The following C6orf118 variants were observed in gnomAD, a reference collection of about 807,000 sequenced individuals.
C6orf118 encodes chromosome 6 open reading frame 118, also known as uncharacterized protein C6orf118.
A neutral mutation model predicts 50.2 loss-of-function variants in C6orf118; 50 were observed. The ratio of observed to expected loss-of-function variants is 1.00; its 90% CI spans 0.79 to 1.26. The LOEUF (loss-of-function observed/expected upper bound fraction) is 1.26, where lower values mean the gene tolerates loss of function less well. Among genes scored for constraint, C6orf118 ranks in the 50% most tolerant of loss-of-function variants. The pLI, the probability that C6orf118 is intolerant of heterozygous loss-of-function variation, is 0.00. For synonymous variants in C6orf118, 239 were observed against 230.9 expected (o/e 1.03, Z -0.32); for missense variants, 641 against 578.7 (o/e 1.11, Z -1.10).
intron 7 of C6orf118, among the ~76,000 whole-genome samples, chr6:165,286,886 G>A (rs576117563): frequency 2.0e-5 from 3 of 152,046 alleles, no homozygotes; most frequent in South Asian, 4.2e-4. Context: ...GAATGCCCTC[G>A]CTCACCACTC....
In C6orf118 at chr6:165,300,495, A is replaced by C; in HGVS notation, c.754-9T>G. The C allele has an allele frequency of 2.5e-6, 4 of 1,607,422 alleles. No individual in the cohort carries two copies. The highest frequency in any genetic ancestry group is 3.4e-6 in the Non-Finnish European group (4 of 1,177,464). ...CAAATTTTCTGGAGCTCCTGGAGGAAAAACAGAGTCAGCCCATTTCAGGGT... is the reference window on the plus strand; with the variant it reads ...CAAATTTTCTGGAGCTCCTGGAGGACAAACAGAGTCAGCCCATTTCAGGGT... On this transcript the variant is annotated splice_polypyrimidine_tract_variant and intron_variant, in intron 2 of 8. Coordinates refer to ENST00000230301, the MANE Select transcript of C6orf118 (RefSeq NM_144980.4).
chr6:165,281,518 T>C, intron 8 of C6orf118, 122 bp downstream of exon 8: 2 of 1,423,468 alleles, frequency 1.4e-6, no homozygotes, highest in South Asian at 2.9e-5. Flanking sequence ...ATGATCTGCT[T>C]CACATGGTTT....
At chr6:165,296,250 G>GTTTTTTTTTTTTTTTTTTTTTTTTTTT (rs56394079) in intron 5 of C6orf118, among the ~76,000 whole-genome samples, 6 of 103,364 alleles carry the variant, frequency 5.8e-5, no homozygotes, top group African/African-American at 1.3e-4. Context: ...TTCGTTTTTT[G>GTTTTTTTTTTTTTTTTTTTTTTTTTTT]TTTTTTTTTT....
At chr6:165,287,335 A>G (rs1191788420) in intron 7 of C6orf118, among the ~76,000 whole-genome samples, 4 of 152,188 alleles carry the variant, frequency 2.6e-5, no homozygotes, top group African/African-American at 9.6e-5. Context: ...AATCAGTATC[A>G]TGAAAATGGC....
In C6orf118 at chr6:165,301,388, C is replaced by T. The variant is rs533987082; in HGVS notation, c.753+181G>A. Among the ~76,000 whole-genome samples the T allele has an allele frequency of 1.4e-3, 195 of 135,992 alleles. 2 individuals are homozygous for T. Among genetic ancestry groups the T allele is most frequent in the African/African-American group, 4.8e-3 (173 of 35,706 alleles). 89.2% of individuals were successfully genotyped at this position (135,992 alleles called of 152,430 possible). ...GAGCACTGCACCGAGAACACTGCAC[C>T]GAGAGCACTGCACAGAGAGCACTGC... On this transcript the variant is annotated intron_variant, in intron 2 of 8. Coordinates refer to ENST00000230301, the MANE Select transcript of C6orf118 (RefSeq NM_144980.4).
At chr6:165,290,355 A>C (rs1257070934) in intron 6 of C6orf118, among the ~76,000 whole-genome samples, 1 of 152,248 alleles carries the variant, frequency 6.6e-6, no homozygotes, top group African/African-American at 2.4e-5. Flanking sequence ...TGTGTGATTT[A>C]GCAGTGCAGA....
chr6:165,286,062 A>G (rs1444648906), intron 7 of C6orf118, among the ~76,000 whole-genome samples: 2 of 152,030 alleles, frequency 1.3e-5, no homozygotes, highest in East Asian at 3.9e-4. Context: ...AGAGAGAAGA[A>G]TCAAACAGAC....
intron 2 of C6orf118, among the ~76,000 whole-genome samples, chr6:165,300,798 G>T (rs953148465): frequency 6.6e-6 from 1 of 151,976 alleles, no homozygotes; most frequent in African/African-American, 2.4e-5. Flanking sequence ...CAACCCCAAG[G>T]CCTGGCTGCT....
At chr6:165,289,165 T>C (rs1402678792) in intron 7 of C6orf118, among the ~76,000 whole-genome samples, 10 of 133,286 alleles carry the variant, frequency 7.5e-5, no homozygotes, top group African/African-American at 2.3e-4. Flanking sequence ...CACAGCCATG[T>C]CCCCCCTCCA....
intron 6 of C6orf118, 55 bp from the exon 7 acceptor site, chr6:165,290,122 T>A (rs1270209090): frequency 1.9e-6 from 2 of 1,048,024 alleles, no homozygotes; most frequent in African/African-American, 1.6e-5. Context: ...CAGTTATTAT[T>A]AATAGCATTA....
At position 165,301,729 on chromosome 6, in the gene C6orf118, C is replaced by T. The variant is rs759679795; in HGVS notation, c.593G>A (p.Arg198Gln). Residue 198 changes from arginine to glutamine, a missense_variant, in exon 2 of 9, where the codon CGG (arginine) becomes CAG (glutamine). Arg to Gln is a conservative substitution (Grantham distance 43). Coordinates refer to ENST00000230301, the MANE Select transcript of C6orf118 (RefSeq NM_144980.4). ...QEAGSRGTRD[R>Q]HHYVSSYLAG... is the part of the protein sequence containing the mutation. ...CAGGTAGGAGCTGACATAGTGGTGC[C>T]GGTCCCTGGTGCCTCTGGACCCGGC... 9.9e-6 allele frequency: 16 copies of T among 1,614,122 alleles called. No homozygotes were observed. Among genetic ancestry groups the T allele is most frequent in the Non-Finnish European group, 1.2e-5 (14 of 1,180,026 alleles).
chr6:165,294,273 A>C (rs1461980272), intron 5 of C6orf118, among the ~76,000 whole-genome samples: 25 of 139,008 alleles, frequency 1.8e-4, no homozygotes, highest in South Asian at 7.1e-4. Flanking sequence ...AAAAACAAAA[A>C]AAAAAAAAGT....
In C6orf118 at chr6:165,300,384, C is replaced by A. The variant is rs764518799; in HGVS notation, c.856G>T (p.Asp286Tyr). 1.9e-6 allele frequency: 3 copies of A among 1,613,850 alleles called. No homozygotes were observed. Among genetic ancestry groups the A allele is most frequent in the South Asian group, 2.2e-5 (2 of 91,046 alleles). ...CTTACCTTAACTTTTTTCAAGAGAT[C>A]ACCAAATATCAAAGAACTGTTACAA... ...DICNSSLIFG[D>Y]LLKKVKDEYE... Residue 286 changes from aspartate (D) to tyrosine (Y), a missense_variant, in exon 3 of 9, where the codon GAT (aspartate) becomes TAT (tyrosine). Coordinates refer to ENST00000230301, the MANE Select transcript of C6orf118 (RefSeq NM_144980.4).
In C6orf118 at chr6:165,296,555, C is replaced by T. The variant is rs573914463; in HGVS notation, c.1061+1422G>A. On this transcript the variant is annotated intron_variant, in intron 5 of 8. Coordinates refer to ENST00000230301, the MANE Select transcript of C6orf118 (RefSeq NM_144980.4). ...AGCACTCTCCATCACAGTGTGACCC[C>T]ACAGAACTCGTGCCTTCTTGCCCTA... is the stretch of plus-strand genomic sequence containing the variant. Among the ~76,000 whole-genome samples, 6 of 152,226 alleles carry T rather than the reference C, an allele frequency of 3.9e-5. No homozygotes were observed. In the East Asian group the frequency reaches 1.2e-3, roughly 30 times the overall value.
At chr6:165,308,863 C>A (rs1319023446) in intron 1 of C6orf118, among the ~76,000 whole-genome samples, 3 of 152,216 alleles carry the variant, frequency 2.0e-5, no homozygotes, top group African/African-American at 4.8e-5. Context: ...TGATATCACA[C>A]AATAAAATTT....
chr6:165,280,158 T>C lies in C6orf118; in HGVS notation c.1357-48A>G, dbSNP rs772763487. The C allele has an allele frequency of 2.3e-6, 3 of 1,321,576 alleles. No individual in the cohort carries two copies. In the South Asian group the frequency reaches 3.9e-5, roughly 17 times the overall value. 81.9% of individuals were successfully genotyped at this position (1,321,576 alleles called of 1,614,324 possible). Reference sequence around the variant, plus strand: ...TACCATAGGTTAGAAAAAAATACATTAAGCATGAAATAAAATTTCAAAATA... The same window carrying C: ...TACCATAGGTTAGAAAAAAATACATCAAGCATGAAATAAAATTTCAAAATA... On this transcript the variant is annotated intron_variant, in intron 8 of 8. Coordinates refer to ENST00000230301, the MANE Select transcript of C6orf118 (RefSeq NM_144980.4).
intron 1 of C6orf118, among the ~76,000 whole-genome samples, chr6:165,309,244 T>C (rs1562341546): frequency 6.6e-6 from 1 of 152,110 alleles, no homozygotes; most frequent in Non-Finnish European, 1.5e-5. Context: ...TGCCGCTTCG[T>C]CCCTCCTCCT....
At chr6:165,309,486 T>C (rs573288481) in intron 1 of C6orf118, 76 bp downstream of exon 1, 1 of 1,553,054 alleles carries the variant, frequency 6.4e-7, no homozygotes, top group Non-Finnish European at 8.9e-7. Flanking sequence ...CAAATCAGTC[T>C]TCAGAAGCCC....
chr6:165,295,179 T>C (rs1780246904), intron 5 of C6orf118, among the ~76,000 whole-genome samples: 1 of 152,214 alleles, frequency 6.6e-6, no homozygotes, highest in Non-Finnish European at 1.5e-5. Context: ...GCCTATTATG[T>C]TTTCATTCAA....
Sources: allele counts gnomAD v4.1 joint callset (sites outside exome capture counted in the v4.1 genomes callset), GRCh38; gene constraint gnomAD v4.1.1; transcripts MANE v1.5; gene names NCBI Gene and HGNC (gene_info 2026-07-23, HGNC 2026-07-21).